Variants in UBE3C observed in about 807,000 individuals in gnomAD.
UBE3C encodes ubiquitin-protein ligase E3C.
A neutral mutation model predicts 129.4 loss-of-function variants in UBE3C; 42 were observed. The ratio of observed to expected loss-of-function variants is 0.32; its 90% CI spans 0.25 to 0.42. The LOEUF (loss-of-function observed/expected upper bound fraction) is 0.42. UBE3C is among the 10% of genes least tolerant of loss of function. UBE3C has a pLI of 1.00. For synonymous variants in UBE3C, 510 were observed against 492.4 expected, an observed-to-expected ratio of 1.04 and a Z score of -0.47; for missense variants, 1,049 against 1,319.1, an observed-to-expected ratio of 0.80 and a Z score of 3.17.
chr7:157,230,975 C>T (rs1796008714), intron 17 of UBE3C, 105 bp from the exon 18 acceptor site: 2 of 1,455,242 alleles, frequency 1.4e-6, no homozygotes, highest in Admixed American at 4.2e-5. Flanking sequence ...TTAAAATGTC[C>T]CTAAGATCCT....
At chr7:157,191,954 T>C (rs1475952550) in intron 10 of UBE3C, among the ~76,000 whole-genome samples, 2 of 152,242 alleles carry the variant, frequency 1.3e-5, no homozygotes, top group Non-Finnish European at 2.9e-5. Flanking sequence ...ATTAATAAGC[T>C]ATTGATTCAT....
intron 18 of UBE3C, among the ~76,000 whole-genome samples, chr7:157,232,007 A>G (rs1053375696): frequency 3.3e-5 from 5 of 152,204 alleles, no homozygotes; most frequent in Non-Finnish European, 4.4e-5. Flanking sequence ...GCAGCAGCAT[A>G]GATTCCTTTT....
At position 157,231,425 on chromosome 7, in the gene UBE3C, T is replaced by G. The variant is rs1290944515; in HGVS notation, c.2481+98T>G. On this transcript the variant is annotated intron_variant, in intron 18 of 22. Transcript: ENST00000348165. ...TATCCAGGTTTACCATAAAATACTG[T>G]TTGTTTTAAATTTGGATGCTAAATG... 19 of 1,523,114 alleles carry G rather than the reference T, an allele frequency of 1.2e-5. No individual in the cohort carries two copies. The African/African-American group carries it at 2.4e-4, about 19-fold the overall frequency. The allele number at this position is 1,523,114 out of a possible 1,614,324, so 94.3% of individuals were successfully genotyped here.
intron 10 of UBE3C, chr7:157,192,424 C>G: frequency 1.4e-6 from 1 of 725,842 alleles, no homozygotes; most frequent in Non-Finnish European, 2.5e-6. Flanking sequence ...AGGTTGAACC[C>G]TTGGATATGA....
At chr7:157,171,682 ATATATTTTTTTTTTTTTTTTTTTTTTT>A (rs1416406501) in intron 4 of UBE3C, among the ~76,000 whole-genome samples, 16 of 44,976 alleles carry the variant, frequency 3.6e-4, no homozygotes, top group Non-Finnish European at 4.8e-4. Context: ...ATATATATAT[ATATATTTTTTTTTTTTTTTTTTTTTTT>A]TTTTTTTTTT....
chr7:157,253,829 C>T lies in UBE3C; in HGVS notation c.2695-125C>T, dbSNP rs75514003. 9.0e-4 allele frequency: 844 copies of T among 942,532 alleles called. 6 individuals carry two copies. The African/African-American group carries it at 0.013, about 15-fold the overall frequency. 58.4% of individuals were successfully genotyped at this position (942,532 alleles called of 1,614,324 possible). On this transcript the variant is annotated intron_variant, in intron 19 of 22. Transcript: ENST00000348165. ...TGCTGTGCATACTCGGGTACTATTT[C>T]GTATTTAGATTCTTGTTCACAAAGC... is the stretch of plus-strand genomic sequence containing the variant.
At chr7:157,174,786 T>G (rs1808470598) in intron 4 of UBE3C, 133 bp from the exon 5 acceptor site, 1 of 625,016 alleles carries the variant, frequency 1.6e-6, no homozygotes, top group South Asian at 2.5e-5. Context: ...TTAGAATATT[T>G]ACTTCTTAAC....
At chr7:157,177,575 A>T (rs562816863) in intron 5 of UBE3C, among the ~76,000 whole-genome samples, 1 of 152,120 alleles carries the variant, frequency 6.6e-6, no homozygotes, top group South Asian at 2.1e-4. Flanking sequence ...GCGGCTTGTT[A>T]TGTGTAGCCC....
At chr7:157,172,900 C>T (rs758828721) in intron 4 of UBE3C, among the ~76,000 whole-genome samples, 1 of 152,176 alleles carries the variant, frequency 6.6e-6, no homozygotes, top group African/African-American at 2.4e-5. Context: ...CAATCTTAGT[C>T]ATCAGTCACG....
intron 22 of UBE3C, among the ~76,000 whole-genome samples, chr7:157,264,238 TACACAC>T (rs139566083): frequency 3.2e-5 from 4 of 125,574 alleles, no homozygotes; most frequent in African/African-American, 9.6e-5. Flanking sequence ...CTCGGCCTGT[TACACAC>T]ACACACACAC....
intron 15 of UBE3C, 169 bp downstream of exon 15, chr7:157,220,945 A>G: frequency 1.5e-6 from 1 of 686,614 alleles, no homozygotes; most frequent in South Asian, 2.0e-5. Context: ...CTCTAGCTCC[A>G]TTGCGGCCAC....
chr7:157,222,591 T>A (rs1345996661), intron 15 of UBE3C: 2 of 152,172 alleles, frequency 1.3e-5, no homozygotes, highest in Non-Finnish European at 2.9e-5. Flanking sequence ...AGCTAATTTT[T>A]AAAAAAATTT....
chr7:157,239,549 A>C (rs1770439533), intron 18 of UBE3C, among the ~76,000 whole-genome samples: 1 of 152,186 alleles, frequency 6.6e-6, no homozygotes, highest in Non-Finnish European at 1.5e-5. Flanking sequence ...ATGGAACCAC[A>C]GGCTTGTGAT....
chr7:157,175,644 ACTGT>A lies in UBE3C; in HGVS notation c.458+615_458+618del, dbSNP rs778796422. Among the ~76,000 whole-genome samples, 32 of 152,146 alleles carry A rather than the reference ACTGT, an allele frequency of 2.1e-4. 1 individual carries two copies. Among genetic ancestry groups the A allele is most frequent in the Non-Finnish European group, 3.8e-4 (26 of 68,038 alleles). The stretch of plus-strand genomic sequence containing the variant: ...TATAATTTCACTTAATTTTCTGGAC[ACTGT>A]CTGTAATATTTGTTTAGGATTACTG... On this transcript the variant is annotated intron_variant, in intron 5 of 22. Coordinates refer to ENST00000348165, the MANE Select transcript of UBE3C (RefSeq NM_014671.3).
rs558558295 is a variant in UBE3C, at chr7:157,202,024, T to C, written c.1418+217T>C. Among the ~76,000 whole-genome samples, 41 of 152,324 alleles carry C rather than the reference T, an allele frequency of 2.7e-4. 1 individual carries two copies. In the South Asian group the frequency reaches 5.6e-3, roughly 21 times the overall value. ...ATATATTATAGAGAGTATGGTTTTA[T>C]CTGAAGGTAAGTTTCCTTTAAACAT... On this transcript the variant is annotated intron_variant, in intron 11 of 22. Coordinates refer to ENST00000348165, the MANE Select transcript of UBE3C (RefSeq NM_014671.3).
At chr7:157,154,052 G>T (rs1206827731) in intron 1 of UBE3C, among the ~76,000 whole-genome samples, 1 of 140,670 alleles carries the variant, frequency 7.1e-6, no homozygotes, top group East Asian at 2.1e-4. Flanking sequence ...GGGCACGGTG[G>T]CTCACACCTG....
At chr7:157,245,950 C>A (rs1796461361) in intron 18 of UBE3C, among the ~76,000 whole-genome samples, 1 of 146,276 alleles carries the variant, frequency 6.8e-6, no homozygotes, top group Non-Finnish European at 1.5e-5. Flanking sequence ...GAGATCGTGC[C>A]ACTGCACACT....
chr7:157,178,897 T>C (rs1460721966), intron 6 of UBE3C, 50 bp downstream of exon 6: 1 of 1,594,968 alleles, frequency 6.3e-7, no homozygotes, highest in East Asian at 2.2e-5. Context: ...TGATGGGGAG[T>C]GAGCAGAGGC....
intron 18 of UBE3C, among the ~76,000 whole-genome samples, chr7:157,237,266 C>T (rs1242183032): frequency 6.6e-6 from 1 of 151,672 alleles, no homozygotes; most frequent in Non-Finnish European, 1.5e-5. Flanking sequence ...ACGGTGAAAC[C>T]CCATCTCTAC....
Sources: allele counts gnomAD v4.1 joint callset (sites outside exome capture counted in the v4.1 genomes callset), GRCh38; gene constraint gnomAD v4.1.1; transcripts MANE v1.5; gene names NCBI Gene and HGNC (gene_info 2026-07-23, HGNC 2026-07-21).